The following MYO5B variants were observed in gnomAD, a reference collection of about 807,000 sequenced individuals.
MYO5B encodes myosin VB.
Under a neutral mutation model 229.3 loss-of-function variants are expected in MYO5B, and 143 were observed. The observed-to-expected ratio is 0.62, with a 90% CI of 0.54 to 0.72. The LOEUF is 0.72. Among genes scored for constraint, MYO5B ranks in the 30% least tolerant of loss-of-function variants. The probability of loss-of-function intolerance (pLI) is 0.00; values close to 1 mark genes in which losing one functional copy is unlikely to be tolerated. For missense variants in MYO5B, 2,321 were observed against 2,331.0 expected, an observed-to-expected ratio of 1.00 and a Z score of 0.09; for synonymous variants, 918 against 885.2, an observed-to-expected ratio of 1.04 and a Z score of -0.66.
chr18:49,922,942 A>C (rs575197038), intron 17 of MYO5B, among the ~76,000 whole-genome samples: 29 of 152,314 alleles, frequency 1.9e-4, no homozygotes, highest in African/African-American at 5.3e-4. Flanking sequence ...TGGAATGAAC[A>C]GTAGGAGAAT....
intron 1 of MYO5B, among the ~76,000 whole-genome samples, chr18:50,160,303 T>G (rs1271392805): frequency 6.6e-6 from 1 of 152,196 alleles, no homozygotes; most frequent in African/African-American, 2.4e-5. Context: ...GAGCAGACTC[T>G]CTAAGGTCAG....
At chr18:50,136,580 T>C (rs1238560856) in intron 1 of MYO5B, among the ~76,000 whole-genome samples, 1 of 152,006 alleles carries the variant, frequency 6.6e-6, no homozygotes, top group Non-Finnish European at 1.5e-5. Flanking sequence ...TTTTTGGAGG[T>C]AGGGTTATGT....
rs938797958 is a variant in MYO5B at position 49,936,447 on chromosome 18, T to A, written c.1906-98A>T. 1.0e-5 allele frequency: 9 copies of A among 866,184 alleles called. No individual in the cohort carries two copies. The African/African-American group carries it at 1.5e-4, about 15-fold the overall frequency. The allele number at this position is 866,184 out of a possible 1,614,324, so 53.7% of individuals were successfully genotyped here. A position where few individuals can be genotyped will look rare whatever the true frequency, so the allele number is the denominator to read the frequency against. Reference sequence around the variant, plus strand: ...TGGGTGGCGGTAGTTATTGTTACTATTATATTATTAATCCAGAAGGATGGA... The same window carrying A: ...TGGGTGGCGGTAGTTATTGTTACTAATATATTATTAATCCAGAAGGATGGA... On this transcript the variant is annotated intron_variant, in intron 15 of 39. Coordinates refer to ENST00000285039, the MANE Select transcript of MYO5B (RefSeq NM_001080467.3).
intron 1 of MYO5B, among the ~76,000 whole-genome samples, chr18:50,177,221 C>CA (rs370449931): frequency 4.5e-4 from 69 of 151,840 alleles, no homozygotes; most frequent in African/African-American, 1.5e-3. Context: ...GACTACATGA[C>CA]AAAAAAAGGT....
At chr18:49,965,278 C>T (rs1380970536) in intron 10 of MYO5B, among the ~76,000 whole-genome samples, 3 of 152,124 alleles carry the variant, frequency 2.0e-5, no homozygotes, top group African/African-American at 2.4e-5. Flanking sequence ...CTCACCATGC[C>T]GGCAACATTA....
intron 1 of MYO5B, among the ~76,000 whole-genome samples, chr18:50,178,940 G>A (rs181702316): frequency 1.3e-5 from 2 of 152,262 alleles, no homozygotes; most frequent in East Asian, 3.9e-4. Context: ...ATTACAGAAG[G>A]TTAAAGTGTG....
intron 1 of MYO5B, among the ~76,000 whole-genome samples, chr18:50,060,319 T>C (rs765797982): frequency 6.6e-6 from 1 of 152,196 alleles, no homozygotes; most frequent in African/African-American, 2.4e-5. Flanking sequence ...CATTATTTTA[T>C]GAGCCAGCCA....
intron 1 of MYO5B, among the ~76,000 whole-genome samples, chr18:50,111,735 G>C (rs1356402691): frequency 6.6e-6 from 1 of 152,160 alleles, no homozygotes; most frequent in Non-Finnish European, 1.5e-5. Flanking sequence ...ATCTCATTAA[G>C]GTAAAATAAA....
At chr18:49,923,154 T>C (rs904534865) in intron 17 of MYO5B, among the ~76,000 whole-genome samples, 1 of 152,164 alleles carries the variant, frequency 6.6e-6, no homozygotes, top group East Asian at 1.9e-4. Flanking sequence ...ATCATGTTGC[T>C]TCCTGGCAGG....
chr18:49,828,899 A>G (rs1414158737), intron 39 of MYO5B, among the ~76,000 whole-genome samples: 1 of 150,138 alleles, frequency 6.7e-6, no homozygotes, highest in Non-Finnish European at 1.5e-5. Context: ...TTGTAGCTGT[A>G]AATGTCTACA....
chr18:49,886,936 G>A (rs2024649471), intron 22 of MYO5B, among the ~76,000 whole-genome samples: 1 of 152,188 alleles, frequency 6.6e-6, no homozygotes. Flanking sequence ...CTGACTCATG[G>A]TAGTTGATAT....
Position 49,937,478 on chromosome 18 carries a change from T to C in MYO5B, c.1753-81A>G, listed in dbSNP as rs1410227520. On this transcript the variant is annotated intron_variant, in intron 14 of 39. Coordinates refer to ENST00000285039, the MANE Select transcript of MYO5B (RefSeq NM_001080467.3). Reference sequence around the variant, plus strand: ...TTCCTCTCAAAGCTGCTTTTCAACATATACCTGAGAACGGAAAACACACAT... The same window carrying C: ...TTCCTCTCAAAGCTGCTTTTCAACACATACCTGAGAACGGAAAACACACAT... 8.6e-6 allele frequency: 13 copies of C among 1,510,324 alleles called. No homozygotes were observed. The East Asian group carries it at 2.5e-4, about 30-fold the overall frequency. 93.6% of individuals were successfully genotyped at this position (1,510,324 alleles called of 1,614,324 possible).
At chr18:49,942,293 T>C (rs372859897) in intron 14 of MYO5B, among the ~76,000 whole-genome samples, 1 of 136,078 alleles carries the variant, frequency 7.3e-6, no homozygotes, top group Non-Finnish European at 1.5e-5. Context: ...ACTTCATGTC[T>C]AAAACACCAA....
rs1198544354 is a variant in MYO5B, at chr18:50,055,368, A to G, written c.38T>C (p.Val13Ala). Reference protein sequence around the residue: ...VGELYSQCTRVWIPDPDEVWR... With the variant: ...VGELYSQCTRAWIPDPDEVWR... ...TACCTCATCAGGGTCAGGGATCCAG[A>G]CCCTTGTGCACTGAAAGATTAAAAC... Residue 13 changes from valine (V) to alanine (A), a missense_variant, in exon 2 of 40, where the codon GTC becomes GCC. Around this residue, in one of 2 missense-constraint regions of MYO5B, gnomAD observed 2,113 missense variants for 2,044.7 expected, o/e 1.03. Transcript: ENST00000285039. The G allele has an allele frequency of 1.2e-6, 2 of 1,613,310 alleles. No individual in the cohort carries two copies. The highest frequency in any genetic ancestry group is 2.2e-5 in the East Asian group (1 of 44,854).
At chr18:49,954,837 C>G (rs182447165) in intron 12 of MYO5B, among the ~76,000 whole-genome samples, 2 of 152,232 alleles carry the variant, frequency 1.3e-5, no homozygotes, top group African/African-American at 2.4e-5. Context: ...AGCTCACCCA[C>G]TCACCCAGGT....
At chr18:50,076,164 G>A (rs535903732) in intron 1 of MYO5B, among the ~76,000 whole-genome samples, 2 of 152,296 alleles carry the variant, frequency 1.3e-5, no homozygotes, top group Admixed American at 6.5e-5. Flanking sequence ...CAAAAGGCGT[G>A]CCAGAGAGCA....
At chr18:49,984,679 G>A in intron 8 of MYO5B, 39 bp downstream of exon 8, 2 of 1,479,522 alleles carry the variant, frequency 1.4e-6, no homozygotes, top group Non-Finnish European at 1.9e-6. Flanking sequence ...CGTGCCATCA[G>A]CCCTCGGGGC....
intron 1 of MYO5B, among the ~76,000 whole-genome samples, chr18:50,091,802 G>A (rs1425794308): frequency 6.6e-6 from 1 of 152,138 alleles, no homozygotes; most frequent in Non-Finnish European, 1.5e-5. Flanking sequence ...TAATATATAG[G>A]CTTGCACTGA....
chr18:49,942,137 T>C (rs7238220), intron 14 of MYO5B, among the ~76,000 whole-genome samples: 85,924 of 148,316 alleles, frequency 0.58, 25,438 homozygotes, highest in Middle Eastern at 0.73. Flanking sequence ...TAGCCATATG[T>C]AGAAAGTTGA....
Sources: gnomAD v4.1 joint callset for allele counts (sites outside exome capture counted in the v4.1 genomes callset) on GRCh38, gnomAD v4.1.1 for gene constraint, gnomAD v4.1.1 regional missense constraint, MANE v1.5 for transcripts, NCBI Gene and HGNC (gene_info 2026-07-23, HGNC 2026-07-21) for gene names.